The following NUP58 variants were observed in gnomAD, a reference collection of about 807,000 sequenced individuals.
The protein encoded by NUP58 is nucleoporin p58/p45.
In NUP58, 17 loss-of-function variants were observed where a neutral mutation model predicts 70.1. The observed-to-expected ratio is 0.24, with a 90% CI of 0.17 to 0.36. NUP58 has a LOEUF of 0.36. Ranked by LOEUF, NUP58 falls within the 10% of genes least tolerant of loss-of-function variation. The pLI, the probability that NUP58 is intolerant of heterozygous loss-of-function variation, is 1.00. For missense variants in NUP58, 644 were observed against 701.5 expected, an observed-to-expected ratio of 0.92 and a Z score of 0.93; for synonymous variants, 275 against 257.6, an observed-to-expected ratio of 1.07 and a Z score of -0.65.
chr13:25,343,805 G>GTATATATATATATATATATA (rs59054918), downstream of NUP58, among the ~76,000 whole-genome samples: 9 of 137,650 alleles, frequency 6.5e-5, no homozygotes, highest in East Asian at 4.4e-4. Context: ...ACATATATAT[G>GTATATATATATATATATATA]TATATATATA....
chr13:25,334,382 A>T, intron 13 of NUP58: 1 of 985,350 alleles, frequency 1.0e-6, no homozygotes, highest in Non-Finnish European at 1.2e-6. Context: ...TTCTTATGTG[A>T]CTTAGCTGCT....
At chr13:25,332,050 C>G in intron 13 of NUP58, 1 of 1,005,500 alleles carries the variant, frequency 9.9e-7, no homozygotes, top group African/African-American at 1.7e-5. Context: ...TGTTGAAGAT[C>G]AATAGGCTTG....
Position 25,340,043 on chromosome 13 carries a change from T to G in NUP58, c.1709T>G (p.Val570Gly), listed in dbSNP as rs1593203703. ...GCATCAGCTGGTTTGACTTTTGGGG[T>G]GTCCAATCCTGCCTCTGCAGGTTTT... ...ITASAGLTFG[V>G]SNPASAGFGT... The change falls in exon 16 of 16, where the codon GTG (valine) becomes GGG (glycine). Residue 570 changes from valine (V) to glycine (G), a missense_variant. By Grantham distance (109) the Val-to-Gly change is moderately radical. Transcript: ENST00000381736. 1 of 1,613,956 alleles carries G rather than the reference T, an allele frequency of 6.2e-7. No individual in the cohort carries two copies. Among genetic ancestry groups the G allele is most frequent in the East Asian group, 2.2e-5 (1 of 44,862 alleles).
chr13:25,306,150 A>C lies in NUP58; in HGVS notation c.108-1656A>C, dbSNP rs141005949. 9.7e-4 allele frequency among the ~76,000 whole-genome samples: 147 copies of C among 152,298 alleles called. 2 individuals are homozygous for C. The East Asian group carries it at 0.024, about 25-fold the overall frequency. On this transcript the variant is annotated intron_variant, in intron 1 of 15. Transcript: ENST00000381736. ...GCCGGGTGCGGTGGCTCACGCCTGT[A>C]ATCCCAGCACTTTGGGAGGCCGAGG...
At chr13:25,331,719 A>T (rs996012215) in intron 13 of NUP58, 161 bp downstream of exon 13, 1 of 1,433,604 alleles carries the variant, frequency 7.0e-7, no homozygotes, top group Non-Finnish European at 9.1e-7. Context: ...AACATACCTG[A>T]TAAAAAAGGC....
chr13:25,333,779 G>T, intron 13 of NUP58: 1 of 985,304 alleles, frequency 1.0e-6, no homozygotes, highest in Non-Finnish European at 1.2e-6. Flanking sequence ...TGAAATCTTT[G>T]TTTTTAAGTG....
intron 9 of NUP58, among the ~76,000 whole-genome samples, chr13:25,323,795 C>T (rs1359790585): frequency 6.6e-6 from 1 of 152,140 alleles, no homozygotes; most frequent in Non-Finnish European, 1.5e-5. Context: ...CTGAGTTCAG[C>T]TCTCCAGTCA....
At chr13:25,333,889 G>T (rs892816742) in intron 13 of NUP58, 1 of 985,192 alleles carries the variant, frequency 1.0e-6, no homozygotes, top group Non-Finnish European at 1.2e-6. Context: ...GTTATCAGAA[G>T]GGTTTTGCTT....
In NUP58 at chr13:25,301,760, A is replaced by G. The variant is rs749187650; in HGVS notation, c.-14A>G. The G allele has an allele frequency of 2.3e-5, 36 of 1,575,662 alleles. No individual in the cohort carries two copies. Among genetic ancestry groups the G allele is most frequent in the Non-Finnish European group, 2.9e-5 (34 of 1,153,828 alleles). Reference sequence around the variant, plus strand: ...CCATTTCGCCTTGCTGACGGCGTCGAGCCCTGGCCAGACATGTCCACAGGG... The same window carrying G: ...CCATTTCGCCTTGCTGACGGCGTCGGGCCCTGGCCAGACATGTCCACAGGG... On this transcript the variant is annotated 5_prime_UTR_variant, in exon 1 of 16. Transcript: ENST00000381736.
intron 3 of NUP58, among the ~76,000 whole-genome samples, chr13:25,310,680 T>C (rs2030621348): frequency 6.6e-6 from 1 of 152,098 alleles, no homozygotes; most frequent in African/African-American, 2.4e-5. Context: ...TTTCTGAGGT[T>C]GTAACCCCAT....
chr13:25,307,610 CAG>C (rs1210399186), intron 1 of NUP58, among the ~76,000 whole-genome samples, 194 bp from the exon 2 acceptor site: 3 of 152,010 alleles, frequency 2.0e-5, no homozygotes, highest in Admixed American at 6.6e-5. Context: ...TAAGGAAGAA[CAG>C]AAACATATTT....
chr13:25,322,039 A>G (rs2031208396), intron 9 of NUP58, among the ~76,000 whole-genome samples: 1 of 152,186 alleles, frequency 6.6e-6, no homozygotes, highest in Admixed American at 6.5e-5. Context: ...GTTCTTTTCT[A>G]CCTCAGTGGG....
At chr13:25,305,144 T>TGGTTG (rs375797248) in intron 1 of NUP58, among the ~76,000 whole-genome samples, 1 of 119,176 alleles carries the variant, frequency 8.4e-6, no homozygotes. Context: ...TTTTTTTTTT[T>TGGTTG]TTTTTTTTTT....
Position 25,321,075 on chromosome 13 carries a change from G to A in NUP58, c.933G>A (p.Leu311=), listed in dbSNP as rs576058657. ...IQRNTLNIDK[L]KIETAQELKN... is the part of the protein sequence containing the mutation. ...GAAACACTCTCAACATTGACAAATTGAAAATAGAAACTGCTCAGGTATACC... is the reference window on the plus strand; with the variant it reads ...GAAACACTCTCAACATTGACAAATTAAAAATAGAAACTGCTCAGGTATACC... Residue 311 remains leucine (L), a synonymous_variant, in exon 9 of 16, where the codon TTG becomes TTA. Coordinates refer to ENST00000381736, the MANE Select transcript of NUP58 (RefSeq NM_014089.4). 1 of 1,586,902 alleles carries A rather than the reference G, an allele frequency of 6.3e-7. No homozygotes were observed. The highest frequency in any genetic ancestry group is 2.3e-5 in the East Asian group (1 of 43,734).
chr13:25,315,266 T>C, intron 5 of NUP58, 91 bp from the exon 6 acceptor site: 1 of 884,600 alleles, frequency 1.1e-6, no homozygotes, highest in Non-Finnish European at 1.8e-6. Flanking sequence ...AAATCTAGGA[T>C]CCAACTTTAA....
intron 1 of NUP58, among the ~76,000 whole-genome samples, chr13:25,302,326 A>G (rs776863589): frequency 1.2e-4 from 19 of 152,200 alleles, no homozygotes; most frequent in Admixed American, 1.3e-4. Flanking sequence ...ACGGTGTTTT[A>G]ATAACTTTGT....
At chr13:25,304,638 T>C (rs2030225264) in intron 1 of NUP58, among the ~76,000 whole-genome samples, 1 of 151,124 alleles carries the variant, frequency 6.6e-6, no homozygotes, top group African/African-American at 2.4e-5. Flanking sequence ...TGCCTCAGCC[T>C]CCCAAATAGC....
At chr13:25,307,211 ATTTTTTTT>A (rs72132780) in intron 1 of NUP58, among the ~76,000 whole-genome samples, 11 of 98,592 alleles carry the variant, frequency 1.1e-4, no homozygotes, top group Admixed American at 5.8e-4. Flanking sequence ...CTGGTATTGT[ATTTTTTTT>A]TTTTTTTTTT....
rs2030224771 is a variant in NUP58 at position 25,304,633 on chromosome 13, C to A, written c.107+2753C>A. ...ACGGGTTCAAGCAATTCTCCTGCCT[C>A]AGCCTCCCAAATAGCTGGGATTACA... On this transcript the variant is annotated intron_variant, in intron 1 of 15. Transcript: ENST00000381736. Among the ~76,000 whole-genome samples, 3 of 151,136 alleles carry A rather than the reference C, an allele frequency of 2.0e-5. No homozygotes were observed. In the South Asian group the frequency reaches 6.3e-4, roughly 32 times the overall value.
Sources: allele counts gnomAD v4.1 joint callset (sites outside exome capture counted in the v4.1 genomes callset), GRCh38; gene constraint gnomAD v4.1.1; transcripts MANE v1.5; gene names NCBI Gene and HGNC (gene_info 2026-07-23, HGNC 2026-07-21).